MAD1L1: variants seen among roughly 807,000 people sequenced by gnomAD.
MAD1L1 encodes mitotic arrest deficient 1 like 1, also known as mitotic spindle assembly checkpoint protein MAD1.
MAD1L1 carries 95 observed loss-of-function variants against 96.9 expected under a neutral mutation model. The ratio of observed to expected loss-of-function variants is 0.98; its 90% CI spans 0.83 to 1.16. The LOEUF (loss-of-function observed/expected upper bound fraction) is 1.16. MAD1L1 is among the 50% of genes most tolerant of loss of function. The probability of loss-of-function intolerance (pLI) is 0.00; values close to 1 mark genes in which losing one functional copy is unlikely to be tolerated. For missense variants in MAD1L1, 1,007 were observed against 954.4 expected, an observed-to-expected ratio of 1.06 and a Z score of -0.73; for synonymous variants, 473 against 396.6, an observed-to-expected ratio of 1.19 and a Z score of -2.29.
chr7:2,115,304 C>T (rs1241869641), intron 11 of MAD1L1, among the ~76,000 whole-genome samples: 1 of 142,758 alleles, frequency 7.0e-6, no homozygotes, highest in Non-Finnish European at 1.5e-5. Flanking sequence ...GTTCCGGGGT[C>T]AGAGGAGGCT....
intron 18 of MAD1L1, among the ~76,000 whole-genome samples, chr7:1,869,411 C>T (rs1784936806): frequency 6.6e-6 from 1 of 152,106 alleles, no homozygotes; most frequent in Non-Finnish European, 1.5e-5. Context: ...CCTAAACTCC[C>T]CAGGTTTCCT....
rs114641551 is a variant in MAD1L1 at position 2,070,790 on chromosome 7, T to C, written c.1074-1452A>G. Among the ~76,000 whole-genome samples the C allele has an allele frequency of 9.6e-3, 1,467 of 152,304 alleles. 24 individuals are homozygous for C. The highest frequency in any genetic ancestry group is 0.033 in the African/African-American group (1,379 of 41,554). ...AGGAGGCTGCTTGGAAACAGGAATG[T>C]GGGATGGGGCCATGACCTCCACCCT... On this transcript the variant is annotated intron_variant, in intron 11 of 18. Coordinates refer to ENST00000265854, the MANE Select transcript of MAD1L1 (RefSeq NM_001013836.2).
chr7:1,954,589 C>A (rs985065707), intron 16 of MAD1L1, among the ~76,000 whole-genome samples: 1 of 152,146 alleles, frequency 6.6e-6, no homozygotes, highest in African/African-American at 2.4e-5. Flanking sequence ...TGCGGCTGCA[C>A]CAATAGCCAT....
At chr7:2,003,791 G>A (rs1237756352) in intron 13 of MAD1L1, among the ~76,000 whole-genome samples, 1 of 152,204 alleles carries the variant, frequency 6.6e-6, no homozygotes, top group Non-Finnish European at 1.5e-5. Flanking sequence ...TCAGGAGGCA[G>A]GTGGCCGTGG....
At chr7:2,148,285 C>A (rs1456243879) in intron 11 of MAD1L1, 1 of 152,772 alleles carries the variant, frequency 6.5e-6, no homozygotes, top group South Asian at 2.1e-4. Context: ...TCAGGCCCTC[C>A]GCACAGACCC....
chr7:2,178,888 C>CA (rs1192952349), intron 10 of MAD1L1, among the ~76,000 whole-genome samples: 1,525 of 87,974 alleles, frequency 0.017, 28 homozygotes, highest in African/African-American at 0.047. Flanking sequence ...CACAGAGTCT[C>CA]AAAAAAAAAA....
chr7:2,009,485 T>C (rs1271365837), intron 13 of MAD1L1, among the ~76,000 whole-genome samples: 1 of 152,138 alleles, frequency 6.6e-6, no homozygotes, highest in Non-Finnish European at 1.5e-5. Flanking sequence ...GGTCTCCAAG[T>C]GGCTTGTGAC....
intron 17 of MAD1L1, among the ~76,000 whole-genome samples, chr7:1,934,830 C>A (rs550913823): frequency 2.0e-5 from 3 of 150,300 alleles, no homozygotes; most frequent in African/African-American, 7.5e-5. Flanking sequence ...AACAGATGGG[C>A]AAACCCGAGA....
chr7:2,141,795 C>T (rs1324270119), intron 11 of MAD1L1, among the ~76,000 whole-genome samples: 5 of 152,206 alleles, frequency 3.3e-5, no homozygotes, highest in East Asian at 1.9e-4. Flanking sequence ...AGGCAGGTGC[C>T]GCACAGACAG....
At chr7:1,851,950 G>A (rs115688251) in intron 18 of MAD1L1, among the ~76,000 whole-genome samples, 86 of 152,310 alleles carry the variant, frequency 5.6e-4, no homozygotes, top group African/African-American at 1.9e-3. Context: ...GGAAGAGCTC[G>A]GGGAGGCAGG....
Position 2,014,585 on chromosome 7 carries a change from C to T in MAD1L1, c.1276G>A (p.Glu426Lys), listed in dbSNP as rs769563683. Reference sequence around the variant, plus strand: ...CGCCGCGTCAGCTGGGGTGAGTACTCGGCCGGGGTCAGCTCGCTGTCGTAG... The same window carrying T: ...CGCCGCGTCAGCTGGGGTGAGTACTTGGCCGGGGTCAGCTCGCTGTCGTAG... ...GSYDSELTPA[E>K]YSPQLTRRMR... is the part of the protein sequence containing the mutation. Residue 426 changes from glutamate (E) to lysine (K), a missense_variant, in exon 13 of 19, where the codon GAG (glutamate) becomes AAG (lysine). Glu to Lys is a moderately conservative substitution (Grantham distance 56). Coordinates refer to ENST00000265854, the MANE Select transcript of MAD1L1 (RefSeq NM_001013836.2). 4.7e-5 allele frequency: 76 copies of T among 1,612,226 alleles called. No individual in the cohort carries two copies. In the South Asian group the frequency reaches 5.8e-4, roughly 12 times the overall value.
At position 2,218,012 on chromosome 7, in the gene MAD1L1, C is replaced by T. The variant is rs1793385137; in HGVS notation, c.628G>A (p.Glu210Lys). ...CTTGCTTCTTGGCTGGCCTGGAGTT[C>T]CTGGATTTTCTGATTGGCTTCCTGG... ...KCQEANQKIQ[E>K]LQASQEARAD... is the part of the protein sequence containing the mutation. The change falls in exon 7 of 19, where the codon GAA (glutamate) becomes AAA (lysine). Residue 210 changes from glutamate to lysine, a missense_variant. Physicochemically the swap from Glu to Lys is moderately conservative, Grantham distance 56 (BLOSUM62 1). Transcript: ENST00000265854. The T allele has an allele frequency of 9.3e-6, 15 of 1,614,102 alleles. No homozygotes were observed. Among genetic ancestry groups the T allele is most frequent in the Non-Finnish European group, 1.3e-5 (15 of 1,179,956 alleles).
At chr7:1,969,051 T>C (rs1780295631) in intron 15 of MAD1L1, among the ~76,000 whole-genome samples, 1 of 152,178 alleles carries the variant, frequency 6.6e-6, no homozygotes, top group Admixed American at 6.5e-5. Context: ...ACTTGCCTAT[T>C]GAATCTGGTA....
chr7:2,011,687 T>C (rs1362501362), intron 13 of MAD1L1, among the ~76,000 whole-genome samples: 1 of 152,156 alleles, frequency 6.6e-6, no homozygotes, highest in East Asian at 1.9e-4. Flanking sequence ...CACGCTGTCA[T>C]GCAGGATGTG....
chr7:2,060,100 G>A (rs914891304), intron 12 of MAD1L1, among the ~76,000 whole-genome samples: 12 of 150,632 alleles, frequency 8.0e-5, no homozygotes, highest in Admixed American at 2.0e-4. Context: ...CGCTGATGCC[G>A]AGATACGCCG....
At chr7:2,120,952 A>C (rs1787948388) in intron 11 of MAD1L1, among the ~76,000 whole-genome samples, 1 of 152,124 alleles carries the variant, frequency 6.6e-6, no homozygotes, top group Non-Finnish European at 1.5e-5. Context: ...CGCAGACCTG[A>C]CGTGGGGAGG....
rs749520542 is a variant in MAD1L1 at position 2,014,493 on chromosome 7, G to A, written c.1359+9C>T. On this transcript the variant is annotated intron_variant, in intron 13 of 18. Coordinates refer to ENST00000265854, the MANE Select transcript of MAD1L1 (RefSeq NM_001013836.2). The stretch of plus-strand genomic sequence containing the variant: ...TGGCGACGTGAGCCCCACGCCCGCG[G>A]CCCCTCACCTCCATCTCGGCGCTGT... 1.5e-5 allele frequency: 23 copies of A among 1,567,508 alleles called. No homozygotes were observed. Among genetic ancestry groups the A allele is most frequent in the Admixed American group, 3.5e-5 (2 of 57,036 alleles).
chr7:1,915,718 A>G (rs529976392), intron 17 of MAD1L1, among the ~76,000 whole-genome samples: 21 of 152,328 alleles, frequency 1.4e-4, no homozygotes, highest in African/African-American at 5.1e-4. Context: ...GGGGAAAGAA[A>G]AGTCTTTTCC....
intron 14 of MAD1L1, among the ~76,000 whole-genome samples, chr7:1,981,595 G>GT (rs1309306018): frequency 6.6e-6 from 1 of 152,090 alleles, no homozygotes; most frequent in Non-Finnish European, 1.5e-5. Flanking sequence ...CCACTCCAAA[G>GT]CCCAGCTCAC....
Sources: gnomAD v4.1 joint callset for allele counts (sites outside exome capture counted in the v4.1 genomes callset) on GRCh38, gnomAD v4.1.1 for gene constraint, MANE v1.5 for transcripts, NCBI Gene and HGNC (gene_info 2026-07-23, HGNC 2026-07-21) for gene names.